ETV1: variants seen among roughly 807,000 people sequenced by gnomAD.
ETV1 encodes ETS variant transcription factor 1.
A neutral mutation model predicts 62.3 loss-of-function variants in ETV1; 27 were observed. The ratio of observed to expected loss-of-function variants is 0.43; its 90% confidence interval spans 0.32 to 0.60. The LOEUF (loss-of-function observed/expected upper bound fraction) is 0.60, where lower values mean the gene tolerates loss of function less well. Ranked by LOEUF, ETV1 falls within the 20% of genes least tolerant of loss-of-function variation. ETV1 has a pLI of 0.06. For missense variants in ETV1, 605 were observed against 605.8 expected, an observed-to-expected ratio of 1.00 and a Z score of 0.01; for synonymous variants, 222 against 199.6, an observed-to-expected ratio of 1.11 and a Z score of -0.94.
chr7:13,961,160 AAAAAG>A (rs1416125266), intron 6 of ETV1, among the ~76,000 whole-genome samples: 9 of 152,198 alleles, frequency 5.9e-5, no homozygotes, highest in African/African-American at 2.2e-4. Flanking sequence ...AAAAAAGAAA[AAAAAG>A]AAAAAGAAAA....
At chr7:13,968,556 C>T (rs752818805) in intron 6 of ETV1, among the ~76,000 whole-genome samples, 1 of 150,942 alleles carries the variant, frequency 6.6e-6, no homozygotes, top group Non-Finnish European at 1.5e-5. Flanking sequence ...ATTCCGTATA[C>T]TTACAGTGAG....
At chr7:13,929,658 G>A (rs911027219) in intron 9 of ETV1, among the ~76,000 whole-genome samples, 1 of 152,102 alleles carries the variant, frequency 6.6e-6, no homozygotes, top group Non-Finnish European at 1.5e-5. Context: ...ACTATATATA[G>A]GAGCAATGTG....
At chr7:13,964,141 A>C (rs1045132476) in intron 6 of ETV1, among the ~76,000 whole-genome samples, 4 of 152,182 alleles carry the variant, frequency 2.6e-5, no homozygotes, top group African/African-American at 9.7e-5. Context: ...ATCAAATCAA[A>C]TCAACATAAT....
intron 13 of ETV1, among the ~76,000 whole-genome samples, chr7:13,898,773 G>C (rs1782100097): frequency 6.6e-6 from 1 of 151,982 alleles, no homozygotes; most frequent in African/African-American, 2.4e-5. Context: ...ATTTAAAAAA[G>C]GACAGCATAG....
At chr7:13,932,344 A>G (rs1322523302) in intron 8 of ETV1, among the ~76,000 whole-genome samples, 1 of 152,206 alleles carries the variant, frequency 6.6e-6, no homozygotes, top group African/African-American at 2.4e-5. Flanking sequence ...AAAACTAGGT[A>G]TTATAAGGAC....
At chr7:13,934,407 G>C (rs1786546197) in intron 8 of ETV1, among the ~76,000 whole-genome samples, 2 of 152,184 alleles carry the variant, frequency 1.3e-5, no homozygotes, top group Admixed American at 1.3e-4. Context: ...CCTATAAAAA[G>C]CACATTTGAG....
At chr7:13,968,713 A>G (rs1337728091) in intron 6 of ETV1, among the ~76,000 whole-genome samples, 3 of 151,924 alleles carry the variant, frequency 2.0e-5, no homozygotes, top group Admixed American at 2.0e-4. Flanking sequence ...CATTCACCAG[A>G]TTTAGCTAGT....
At chr7:13,947,259 A>G (rs1788270687) in intron 6 of ETV1, among the ~76,000 whole-genome samples, 1 of 152,196 alleles carries the variant, frequency 6.6e-6, no homozygotes. Flanking sequence ...ATATTTTTAC[A>G]GTGAAGATGA....
intron 9 of ETV1, among the ~76,000 whole-genome samples, chr7:13,918,872 A>C (rs1784504843): frequency 1.4e-5 from 1 of 69,388 alleles, no homozygotes; most frequent in Non-Finnish European, 2.8e-5. Context: ...CTTAAAGTAT[A>C]ATAAAAAAAA....
intron 8 of ETV1, among the ~76,000 whole-genome samples, chr7:13,934,514 T>A (rs899652613): frequency 6.6e-6 from 1 of 152,326 alleles, no homozygotes; most frequent in African/African-American, 2.4e-5. Flanking sequence ...TACAACGGTG[T>A]CTCAGGGCCA....
At chr7:13,898,163 C>T (rs1782035794) in intron 13 of ETV1, among the ~76,000 whole-genome samples, 1 of 152,066 alleles carries the variant, frequency 6.6e-6, no homozygotes, top group South Asian at 2.1e-4. Context: ...ATGATGTCTT[C>T]CATTATGAGT....
At chr7:13,932,128 A>C (rs978930820) in intron 8 of ETV1, among the ~76,000 whole-genome samples, 2 of 152,102 alleles carry the variant, frequency 1.3e-5, no homozygotes, top group Non-Finnish European at 2.9e-5. Flanking sequence ...TAATTTCCAC[A>C]CAAGATTCTT....
intron 11 of ETV1, among the ~76,000 whole-genome samples, chr7:13,908,652 A>G (rs1783232273): frequency 6.6e-6 from 1 of 152,128 alleles, no homozygotes; most frequent in Non-Finnish European, 1.5e-5. Flanking sequence ...GATCTTCCCT[A>G]GACTTACCAG....
intron 6 of ETV1, among the ~76,000 whole-genome samples, chr7:13,942,075 G>C (rs570580092): frequency 1.4e-5 from 2 of 140,080 alleles, no homozygotes; most frequent in African/African-American, 5.4e-5. Flanking sequence ...CCAGGCTGGA[G>C]TGCAGTGGCG....
chr7:13,929,448 G>A lies in ETV1; in HGVS notation c.802+2054C>T, dbSNP rs530892889. Among the ~76,000 whole-genome samples, 14 of 152,242 alleles carry A rather than the reference G, an allele frequency of 9.2e-5. No individual in the cohort carries two copies. The South Asian group carries it at 2.9e-3, about 32-fold the overall frequency. ...AGCCATGTCAAGTTTAGTAGCTGAG[G>A]AAATCTCTAAAATGAGCCTGGAAGA... On this transcript the variant is annotated intron_variant, in intron 9 of 13. Coordinates refer to ENST00000430479, the MANE Select transcript of ETV1 (RefSeq NM_004956.5).
chr7:13,896,128 G>A (rs754139073), intron 13 of ETV1, 41 bp from the exon 14 acceptor site: 26 of 1,514,372 alleles, frequency 1.7e-5, no homozygotes, highest in Non-Finnish European at 2.4e-5. Context: ...CCTCACCATC[G>A]CCAGATGGGG....
intron 5 of ETV1, among the ~76,000 whole-genome samples, chr7:13,979,300 C>T (rs1245248862): frequency 1.3e-5 from 2 of 151,980 alleles, no homozygotes; most frequent in East Asian, 3.9e-4. Context: ...ACCCACCAAC[C>T]CTTGTCTTTC....
intron 6 of ETV1, among the ~76,000 whole-genome samples, chr7:13,957,484 A>G (rs1789620980): frequency 6.6e-6 from 1 of 152,206 alleles, no homozygotes; most frequent in South Asian, 2.1e-4. Context: ...AGGGATAATC[A>G]TTTTTCCATA....
At position 13,911,244 on chromosome 7, in the gene ETV1, G is replaced by C. The variant is rs892838838; in HGVS notation, c.866C>G (p.Thr289Arg). Residue 289 changes from threonine to arginine, a missense_variant, in exon 10 of 14, where the codon ACA becomes AGA. Coordinates refer to ENST00000430479, the MANE Select transcript of ETV1 (RefSeq NM_004956.5). ...TTCAGTGGTGGACAACTTAACTTCT[G>C]TTCTGCTGGGATGAGCCAGGAAGCC... ...QEGFLAHPSRTEGCMFEKGPR... is the reference protein window; with the variant it reads ...QEGFLAHPSRREGCMFEKGPR... 2.5e-6 allele frequency: 4 copies of C among 1,611,658 alleles called. No homozygotes were observed. The highest frequency in any genetic ancestry group is 2.7e-5 in the African/African-American group (2 of 75,012).
Sources: allele counts gnomAD v4.1 joint callset (sites outside exome capture counted in the v4.1 genomes callset), GRCh38; gene constraint gnomAD v4.1.1; transcripts MANE v1.5; gene names NCBI Gene and HGNC (gene_info 2026-07-23, HGNC 2026-07-21).